The following CERS1 variants were observed in gnomAD, a reference collection of about 807,000 sequenced individuals.
CERS1 encodes Embryonic growth/differentiation factor 1.
CERS1 carries 16 observed loss-of-function variants against 35.7 expected under a neutral mutation model. The observed-to-expected ratio is 0.45, with a 90% confidence interval of 0.30 to 0.68. The LOEUF is 0.68. Ranked by LOEUF, CERS1 falls within the 30% of genes least tolerant of loss-of-function variation. The pLI is 0.08. For synonymous variants in CERS1, 243 were observed against 201.6 expected (o/e 1.21, Z -1.74); for missense variants, 454 against 453.9 (o/e 1.00, Z 0.00).
intron 6 of CERS1, chr19:18,877,932 T>C (rs1177049987): frequency 1.0e-6 from 1 of 977,742 alleles, no homozygotes; most frequent in Non-Finnish European, 1.2e-6. Context: ...TTGATTCTTT[T>C]ATTTCTGTTT....
intron 6 of CERS1, among the ~76,000 whole-genome samples, chr19:18,872,337 T>TATC (rs1285210455): frequency 6.6e-6 from 1 of 152,160 alleles, no homozygotes; most frequent in African/African-American, 2.4e-5. Flanking sequence ...TTTTCTCTGT[T>TATC]ATCTTTTTTT....
chr19:18,896,794 AC>A (rs1300095890), upstream of CERS1: 2 of 152,356 alleles, frequency 1.3e-5, no homozygotes, highest in Admixed American at 1.3e-4. This position sits in a 1 kb window ranked among gnomAD's most constrained non-coding sequence, Gnocchi z 5.9. Context: ...GGACGCGGGT[AC>A]CCTGGGCACT....
rs2055944789 is a variant in CERS1 at position 18,870,289 on chromosome 19, C to T, written c.*288G>A. 1.9e-6 allele frequency: 3 copies of T among 1,546,810 alleles called. No homozygotes were observed. The highest frequency in any genetic ancestry group is 2.4e-5 in the South Asian group (2 of 84,046). On this transcript the variant is annotated 3_prime_UTR_variant, in exon 7 of 8. Transcript: ENST00000623882. This position sits in a 1 kb window ranked among gnomAD's most constrained non-coding sequence, Gnocchi z 5.1. ...AGGAGGAGGTGGTGGCCGCAGGGAC[C>T]TTGCTGCGGCGGTGGCATCTTCCTC...
At position 18,893,650 on chromosome 19, in the gene CERS1, A is replaced by G. The variant is rs1601192943; in HGVS notation, c.250-75T>C. On this transcript the variant is annotated intron_variant, in intron 1 of 7. Transcript: ENST00000623882. ...CTGCTCCTTTGGGGTGGGGAAACTG[A>G]GGCCCAGGGACTCCCCAGGCCGGGC... 2.1e-6 allele frequency: 3 copies of G among 1,448,426 alleles called. No homozygotes were observed. The East Asian group carries it at 7.3e-5, about 35-fold the overall frequency. The allele number at this position is 1,448,426 out of a possible 1,614,324, so 89.7% of individuals were successfully genotyped here. A position where few individuals can be genotyped will look rare whatever the true frequency, so the allele number is the denominator to read the frequency against.
Position 18,895,873 on chromosome 19 carries a change from G to A in CERS1, c.200C>T (p.Ala67Val), listed in dbSNP as rs1309450982. 3.9e-6 allele frequency: 5 copies of A among 1,285,668 alleles called. No individual in the cohort carries two copies. The highest frequency in any genetic ancestry group is 3.4e-5 in the East Asian group (1 of 29,512). 79.6% of individuals were successfully genotyped at this position (1,285,668 alleles called of 1,614,324 possible). Residue 67 changes from alanine (A) to valine (V), a missense_variant, in exon 1 of 8, where the codon GCG becomes GTG. Transcript: ENST00000623882. This position sits in a 1 kb window ranked among gnomAD's most constrained non-coding sequence, Gnocchi z 6.4. ...GGAGCGCAGGGCGGTCCAGCCCAGC[G>A]CGCCGAGCGCCAGCAGCAGCAGCTC... ...PPELLLLALGALGWTALRSAA... is the reference protein window; with the variant it reads ...PPELLLLALGVLGWTALRSAA...
Position 18,880,345 on chromosome 19 carries a change from G to T in CERS1, c.681C>A (p.Ser227=), listed in dbSNP as rs1356635558. 1.9e-6 allele frequency: 3 copies of T among 1,561,908 alleles called. No homozygotes were observed. Among genetic ancestry groups the T allele is most frequent in the South Asian group, 1.2e-5 (1 of 84,716 alleles). ...GCAGCCGATGGTAGGAGCCGCCGCG[G>T]GACTTGAAGTAAATGTTGAGCTTGG... ...EFTKLNIYFK[S]RGGSYHRLHA... The change falls in exon 4 of 8, where the codon TCC becomes TCA. Residue 227 remains serine, a synonymous_variant. Transcript: ENST00000623882.
Position 18,869,139 on chromosome 19 carries a change from G to A in CERS1, c.*846C>T, listed in dbSNP as rs1259474229. ...GCGCCCAGCAGCTCCGCGCGCACTG[G>A]CGGCCCCAGGGCGGGCACCAACTGG... On this transcript the variant is annotated 3_prime_UTR_variant, in exon 8 of 8. Coordinates refer to ENST00000623882, the MANE Select transcript of CERS1 (RefSeq NM_021267.5). 1 of 1,108,520 alleles carries A rather than the reference G, an allele frequency of 9.0e-7. No homozygotes were observed. Among genetic ancestry groups the A allele is most frequent in the Non-Finnish European group, 1.1e-6 (1 of 908,310 alleles). 68.7% of individuals were successfully genotyped at this position (1,108,520 alleles called of 1,614,324 possible).
intron 6 of CERS1, among the ~76,000 whole-genome samples, chr19:18,876,212 C>G (rs2056058078): frequency 6.6e-6 from 1 of 152,224 alleles, no homozygotes; most frequent in Non-Finnish European, 1.5e-5. Flanking sequence ...TTTCCAACTC[C>G]TGACTTCAAG....
chr19:18,886,298 C>T (rs71332140), intron 2 of CERS1, among the ~76,000 whole-genome samples: 34,326 of 151,938 alleles, frequency 0.23, 4,222 homozygotes, highest in East Asian at 0.37. Context: ...GCCTGTAATC[C>T]CAGCACTTTG....
At chr19:18,876,353 G>C (rs908226374) in intron 6 of CERS1, among the ~76,000 whole-genome samples, 1 of 151,832 alleles carries the variant, frequency 6.6e-6, no homozygotes, top group Non-Finnish European at 1.5e-5. Context: ...GTTTTGGTTT[G>C]TCTTTTTTCT....
Position 18,868,914 on chromosome 19 carries a change from G to A in CERS1, c.*1071C>T, listed in dbSNP as rs1175580019. 3 of 1,370,118 alleles carry A rather than the reference G, an allele frequency of 2.2e-6. No individual in the cohort carries two copies. Among genetic ancestry groups the A allele is most frequent in the African/African-American group, 3.1e-5 (2 of 64,036 alleles). 84.9% of individuals were successfully genotyped at this position (1,370,118 alleles called of 1,614,324 possible). A position where few individuals can be genotyped will look rare whatever the true frequency, so the allele number is the denominator to read the frequency against. ...AAGCTCACGTACAGCCGCCGCGCGC[G>A]ACAAGCGCCCCCGGGGCCGCCGCCC... On this transcript the variant is annotated 3_prime_UTR_variant, in exon 8 of 8. Coordinates refer to ENST00000623882, the MANE Select transcript of CERS1 (RefSeq NM_021267.5).
At chr19:18,877,740 G>A in intron 6 of CERS1, among the ~76,000 whole-genome samples, 1 of 137,864 alleles carries the variant, frequency 7.3e-6, no homozygotes, top group African/African-American at 2.8e-5. Flanking sequence ...CTGGACGACA[G>A]AGTGAGACCC....
Position 18,879,061 on chromosome 19 carries a change from G to A in CERS1, c.901-22C>T. On this transcript the variant is annotated intron_variant, in intron 5 of 7. Coordinates refer to ENST00000623882, the MANE Select transcript of CERS1 (RefSeq NM_021267.5). ...TGTACTGCGAGAGGGGAGGGGAGGTGCCAGTGAGAAGAAAGCCCCCACGCC... is the reference window on the plus strand; with the variant it reads ...TGTACTGCGAGAGGGGAGGGGAGGTACCAGTGAGAAGAAAGCCCCCACGCC... 1.9e-6 allele frequency: 3 copies of A among 1,611,178 alleles called. No homozygotes were observed. In the East Asian group the frequency reaches 6.7e-5, roughly 36 times the overall value.
rs1314004664 is a variant in CERS1 at position 18,878,831 on chromosome 19, G to A, written c.1010+99C>T. The A allele has an allele frequency of 1.3e-6, 2 of 1,528,032 alleles. No homozygotes were observed. The highest frequency in any genetic ancestry group is 2.4e-5 in the East Asian group (1 of 41,338). The allele number at this position is 1,528,032 out of a possible 1,614,324, so 94.7% of individuals were successfully genotyped here. On this transcript the variant is annotated intron_variant, in intron 6 of 7. Coordinates refer to ENST00000623882, the MANE Select transcript of CERS1 (RefSeq NM_021267.5). The surrounding 1 kb of genome is among the most constrained non-coding windows in gnomAD (Gnocchi z 4.6). ...GGCTTGGGGGGCAGCATCCGCGTCG[G>A]CCTCATCTGCTGCTGGGTCTTGGGG...
intron 2 of CERS1, among the ~76,000 whole-genome samples, chr19:18,888,531 A>AC (rs2056415935): frequency 6.7e-6 from 1 of 148,446 alleles, no homozygotes; most frequent in Admixed American, 6.8e-5. Context: ...AAAAAAAAAA[A>AC]AAAAAAAAAA....
intron 6 of CERS1, among the ~76,000 whole-genome samples, chr19:18,874,952 G>T (rs2145999044): frequency 6.6e-6 from 1 of 152,286 alleles, no homozygotes; most frequent in Non-Finnish European, 1.5e-5. Flanking sequence ...TGAATTTTCG[G>T]AACCAGGCAA....
In CERS1 at chr19:18,870,170, G is replaced by T; in HGVS notation, c.*407C>A. The T allele has an allele frequency of 1.9e-6, 3 of 1,561,908 alleles. No individual in the cohort carries two copies. The highest frequency in any genetic ancestry group is 2.3e-5 in the South Asian group (2 of 85,520). Reference sequence around the variant, plus strand: ...GCCTGGGGGCACCCTGGGGCTCATCGCGCAGTCCTAGAGCCTGGAGCAGGG... The same window carrying T: ...GCCTGGGGGCACCCTGGGGCTCATCTCGCAGTCCTAGAGCCTGGAGCAGGG... On this transcript the variant is annotated 3_prime_UTR_variant, in exon 7 of 8. Coordinates refer to ENST00000623882, the MANE Select transcript of CERS1 (RefSeq NM_021267.5). This position sits in a 1 kb window ranked among gnomAD's most constrained non-coding sequence, Gnocchi z 5.1.
At chr19:18,888,759 G>A (rs1313702198) in intron 2 of CERS1, among the ~76,000 whole-genome samples, 1 of 151,866 alleles carries the variant, frequency 6.6e-6, no homozygotes, top group Non-Finnish European at 1.5e-5. Flanking sequence ...GAACCCAGGA[G>A]GCAGAGGCTG....
At chr19:18,889,388 G>T (rs996183519) in intron 2 of CERS1, among the ~76,000 whole-genome samples, 1 of 152,036 alleles carries the variant, frequency 6.6e-6, no homozygotes, top group Non-Finnish European at 1.5e-5. Flanking sequence ...TAGGGGGGAA[G>T]TCCTGGCTTA....
Sources: gnomAD v4.1 joint callset for allele counts (sites outside exome capture counted in the v4.1 genomes callset) on GRCh38, gnomAD v4.1.1 for gene constraint, Gnocchi (gnomAD v3.1) non-coding constraint, MANE v1.5 for transcripts, NCBI Gene and HGNC (gene_info 2026-07-23, HGNC 2026-07-21) for gene names.